HPSE2: variants seen among roughly 807,000 people sequenced by gnomAD.
HPSE2 encodes the protein inactive heparanase-2.
A neutral mutation model predicts 60.5 loss-of-function variants in HPSE2; 38 were observed. That is an observed-to-expected ratio of 0.63 (90% confidence interval 0.48 to 0.82). HPSE2 has a LOEUF of 0.82. Ranked by LOEUF, HPSE2 falls within the 40% of genes least tolerant of loss-of-function variation. HPSE2 has a pLI of 0.00. For synonymous variants in HPSE2, 295 were observed against 293.2 expected (o/e 1.01, Z -0.06); for missense variants, 713 against 740.4 (o/e 0.96, Z 0.43).
chr10:99,087,016 G>A (rs1843345349), intron 3 of HPSE2, among the ~76,000 whole-genome samples: 1 of 152,106 alleles, frequency 6.6e-6, no homozygotes, highest in Admixed American at 6.5e-5. Flanking sequence ...GAATGTTTGG[G>A]TTTCTCCATA....
intron 3 of HPSE2, among the ~76,000 whole-genome samples, chr10:98,885,124 C>A (rs530578952): frequency 1.3e-5 from 2 of 152,212 alleles, no homozygotes; most frequent in Non-Finnish European, 2.9e-5. Flanking sequence ...TTGATTCCAA[C>A]CCTTATTGGT....
chr10:99,257,051 C>A, the HPSE2 span, among the ~76,000 whole-genome samples: 1 of 152,214 alleles, frequency 6.6e-6, no homozygotes, highest in Admixed American at 6.5e-5. Context: ...GTGAAGATTT[C>A]ATGGACATTT....
chr10:99,014,258 A>T (rs1359293362), intron 3 of HPSE2, among the ~76,000 whole-genome samples: 1 of 152,220 alleles, frequency 6.6e-6, no homozygotes, highest in Non-Finnish European at 1.5e-5. Flanking sequence ...AATGGCCTCC[A>T]GCTCCATCCA....
At chr10:99,090,823 T>G (rs1843487237) in intron 3 of HPSE2, among the ~76,000 whole-genome samples, 1 of 152,128 alleles carries the variant, frequency 6.6e-6, no homozygotes, top group African/African-American at 2.4e-5. Context: ...AAAAAAGGAA[T>G]TTCCTGCTTC....
chr10:99,186,542 C>CAAAAAAAAAA (rs60186369), intron 2 of HPSE2, among the ~76,000 whole-genome samples: 17 of 59,482 alleles, frequency 2.9e-4, no homozygotes, highest in Non-Finnish European at 3.8e-4. Flanking sequence ...GACTCCATCT[C>CAAAAAAAAAA]AAAAAAAAAA....
intron 6 of HPSE2, among the ~76,000 whole-genome samples, chr10:98,690,341 C>T (rs1229979554): frequency 6.6e-6 from 1 of 152,118 alleles, no homozygotes; most frequent in Non-Finnish European, 1.5e-5. Context: ...GAGATCAAGA[C>T]CATCCTGGCT....
In HPSE2 at chr10:99,113,742, C is replaced by T. The variant is rs1357575210; in HGVS notation, c.610+30496G>A. On this transcript the variant is annotated intron_variant, in intron 3 of 11. Coordinates refer to ENST00000370552, the MANE Select transcript of HPSE2 (RefSeq NM_021828.5). ...TTTCAAATAGTTTTTTAATAACAGA[C>T]TTTTTTAACTCTTTAAAATTTTTTA... Among the ~76,000 whole-genome samples the T allele has an allele frequency of 2.6e-5, 4 of 151,900 alleles. No individual in the cohort carries two copies. The South Asian group carries it at 6.2e-4, about 24-fold the overall frequency.
chr10:98,498,457 T>G (rs1157401401), intron 9 of HPSE2, among the ~76,000 whole-genome samples: 1 of 152,102 alleles, frequency 6.6e-6, no homozygotes, highest in Non-Finnish European at 1.5e-5. Context: ...GAGTACTACA[T>G]CAAGGGAACA....
chr10:98,529,033 C>T lies in HPSE2; in HGVS notation c.1321-38837G>A, dbSNP rs546899427. On this transcript the variant is annotated intron_variant, in intron 9 of 11. Transcript: ENST00000370552. The stretch of plus-strand genomic sequence containing the variant: ...TAATCATGATGTTTTTGGGTTCATT[C>T]GGGGCAGGGTCACCCTCCATTTTCA... Among the ~76,000 whole-genome samples, 9 of 152,322 alleles carry T rather than the reference C, an allele frequency of 5.9e-5. No individual in the cohort carries two copies. In the South Asian group the frequency reaches 1.2e-3, roughly 21 times the overall value.
chr10:98,769,257 T>C (rs950073311), intron 3 of HPSE2, among the ~76,000 whole-genome samples: 1 of 152,148 alleles, frequency 6.6e-6, no homozygotes, highest in Non-Finnish European at 1.5e-5. Flanking sequence ...TTCCAGAACA[T>C]GTTAGTGACC....
chr10:98,628,213 A>C (rs988625639), intron 7 of HPSE2, among the ~76,000 whole-genome samples: 12 of 152,184 alleles, frequency 7.9e-5, no homozygotes, highest in African/African-American at 2.9e-4. Context: ...TGAGCAGAGA[A>C]GAGCATGATG....
At chr10:98,674,713 G>A (rs4442470) in intron 6 of HPSE2, among the ~76,000 whole-genome samples, 11,018 of 152,188 alleles carry the variant, frequency 0.072, 564 homozygotes, top group South Asian at 0.19. Flanking sequence ...TCAGGAGTTC[G>A]AGACCAGCCT....
chr10:98,563,237 A>G (rs10883133), intron 9 of HPSE2, among the ~76,000 whole-genome samples: 69,213 of 152,028 alleles, frequency 0.46, 18,712 homozygotes, highest in Middle Eastern at 0.59. Context: ...TCTATAATAA[A>G]AAAATGAAGT....
At chr10:98,560,776 C>T (rs1169539703) in intron 9 of HPSE2, among the ~76,000 whole-genome samples, 2 of 152,158 alleles carry the variant, frequency 1.3e-5, no homozygotes, top group African/African-American at 4.8e-5. Flanking sequence ...ATTGCTATTG[C>T]CTAATGACAT....
At chr10:98,951,926 T>C (rs576176701) in intron 3 of HPSE2, among the ~76,000 whole-genome samples, 1 of 152,276 alleles carries the variant, frequency 6.6e-6, no homozygotes, top group South Asian at 2.1e-4. Context: ...ATCTTATAGA[T>C]GAGGAAATGA....
At chr10:98,738,372 C>T (rs564244067) in intron 4 of HPSE2, among the ~76,000 whole-genome samples, 9 of 152,130 alleles carry the variant, frequency 5.9e-5, no homozygotes, top group African/African-American at 2.2e-4. Context: ...CCATAAAAAC[C>T]CTAGAAGAAA....
At chr10:99,180,418 A>C (rs949034535) in intron 2 of HPSE2, among the ~76,000 whole-genome samples, 1 of 152,234 alleles carries the variant, frequency 6.6e-6, no homozygotes, top group Non-Finnish European at 1.5e-5. Context: ...CAAGAAAAAA[A>C]CAACCCCATC....
intron 11 of HPSE2, among the ~76,000 whole-genome samples, chr10:98,476,466 TATA>T (rs1337346028): frequency 1.3e-5 from 2 of 149,282 alleles, no homozygotes; most frequent in Non-Finnish European, 3.0e-5. Flanking sequence ...AAACTTAAAG[TATA>T]ATAATAATAA....
chr10:98,833,507 A>G (rs922650615), intron 3 of HPSE2, among the ~76,000 whole-genome samples: 1 of 152,212 alleles, frequency 6.6e-6, no homozygotes, highest in Non-Finnish European at 1.5e-5. Context: ...ACATTCATTG[A>G]GCACTTATGT....
Sources: allele counts gnomAD v4.1 joint callset (sites outside exome capture counted in the v4.1 genomes callset), GRCh38; gene constraint gnomAD v4.1.1; transcripts MANE v1.5; gene names NCBI Gene and HGNC (gene_info 2026-07-23, HGNC 2026-07-21).